Variants in OTOG observed in about 807,000 individuals in gnomAD.
OTOG encodes the protein otogelin.
Under a neutral mutation model 313.8 loss-of-function variants are expected in OTOG, and 296 were observed. That is an observed-to-expected ratio of 0.94 (90% confidence interval 0.86 to 1.04). The LOEUF is 1.04. Among genes scored for constraint, OTOG ranks in the 50% least tolerant of loss-of-function variants. The pLI, the probability that OTOG is intolerant of heterozygous loss-of-function variation, is 0.00. For synonymous variants in OTOG, 1,533 were observed against 1,554.9 expected (o/e 0.99, Z 0.33); for missense variants, 3,948 against 3,840.1 (o/e 1.03, Z -0.74).
chr11:17,612,213 A>T lies in OTOG; in HGVS notation c.6175A>T (p.Ile2059Phe). The T allele has an allele frequency of 3.2e-6, 5 of 1,549,562 alleles. No individual in the cohort carries two copies. The South Asian group carries it at 5.9e-5, about 18-fold the overall frequency. The change falls in exon 37 of 56, where the codon ATT (isoleucine) becomes TTT (phenylalanine). Residue 2059 changes from isoleucine to phenylalanine, a missense_variant. Physicochemically the swap from Ile to Phe is conservative, Grantham distance 21. Coordinates refer to ENST00000399397, the MANE Select transcript of OTOG (RefSeq NM_001292063.2). ...CCACATCTGCCTGGAGGGCCAGCTG[A>T]TTCGCGTGAATCAGTCCCAGCACTG... ...VRHICLEGQL[I>F]RVNQSQHCPQ...
Position 17,547,996 on chromosome 11 carries a change from G to T in OTOG, c.155+9G>T. The T allele has an allele frequency of 1.3e-6, 1 of 742,830 alleles. No individual in the cohort carries two copies. The highest frequency in any genetic ancestry group is 2.9e-5 in the East Asian group (1 of 34,472). The allele number at this position is 742,830 out of a possible 1,614,324, so 46.0% of individuals were successfully genotyped here. On this transcript the variant is annotated intron_variant, in intron 2 of 55. Coordinates refer to ENST00000399397, the MANE Select transcript of OTOG (RefSeq NM_001292063.2). The stretch of plus-strand genomic sequence containing the variant: ...CCAGCCGGGCAACCCAGGTGAGTAG[G>T]TGTGAGCTGTGGCGGCCCCACCCAC...
In OTOG at chr11:17,611,155, C is replaced by G; in HGVS notation, c.5855C>G (p.Ala1952Gly). The G allele has an allele frequency of 1.3e-6, 2 of 1,550,566 alleles. No individual in the cohort carries two copies. Among genetic ancestry groups the G allele is most frequent in the Non-Finnish European group, 1.7e-6 (2 of 1,147,004 alleles). ...CCCTTGGTGGCTGAGCCCGAGGGAG[C>G]CCAGGCAGGCACAGCTCTGCCAGTG... is the stretch of plus-strand genomic sequence containing the variant. ...LTPLVAEPEG[A>G]QAGTALPVPT... Residue 1952 changes from alanine (A) to glycine (G), a missense_variant, in exon 36 of 56, where the codon GCC becomes GGC. Ala to Gly is a moderately conservative substitution (Grantham distance 60). Transcript: ENST00000399397.
rs1052968891 is a variant in OTOG, at chr11:17,596,048, C to A, written c.3419C>A (p.Thr1140Asn). ...SSWAAVECPDTLDPRDMCVLN... is the reference protein window; with the variant it reads ...SSWAAVECPDNLDPRDMCVLN... The stretch of plus-strand genomic sequence containing the variant: ...GCCTTTGCCCCTCAGTGCCCAGACA[C>A]CCTCGATCCTCGGGATATGTGTGTC... Residue 1140 changes from threonine (T) to asparagine (N), a missense_variant, in exon 29 of 56, where the codon ACC becomes AAC. By Grantham distance (65) the Thr-to-Asn change is moderately conservative. Coordinates refer to ENST00000399397, the MANE Select transcript of OTOG (RefSeq NM_001292063.2). 1.0e-5 allele frequency: 16 copies of A among 1,550,642 alleles called. No individual in the cohort carries two copies. The African/African-American group carries it at 2.1e-4, about 20-fold the overall frequency.
intron 23 of OTOG, among the ~76,000 whole-genome samples, chr11:17,580,350 G>A (rs553165569): frequency 6.6e-6 from 1 of 152,312 alleles, no homozygotes; most frequent in East Asian, 1.9e-4. Flanking sequence ...TTGTAAAATG[G>A]CACAGAGTAA....
chr11:17,599,545 G>A, intron 30 of OTOG, 126 bp from the exon 31 acceptor site: 1 of 983,432 alleles, frequency 1.0e-6, no homozygotes. Flanking sequence ...ATCTTGACAT[G>A]TGGGAGGCAG....
rs751320465 is a variant in OTOG, at chr11:17,645,853, G to A, written c.8651G>A (p.Arg2884Gln). 100 of 1,550,720 alleles carry A rather than the reference G, an allele frequency of 6.4e-5. No individual in the cohort carries two copies. In the Admixed American group the frequency reaches 1.4e-3, roughly 22 times the overall value. Residue 2884 changes from arginine to glutamine, a missense_variant, in exon 56 of 56, where the codon CGG becomes CAG. Coordinates refer to ENST00000399397, the MANE Select transcript of OTOG (RefSeq NM_001292063.2). ...CKCCREVGLQRRSVQLFCATN... is the reference protein window; with the variant it reads ...CKCCREVGLQQRSVQLFCATN... ...TGCTGCCGTGAGGTGGGCCTGCAGC[G>A]GCGCTCTGTGCAGCTCTTCTGTGCC...
At position 17,591,588 on chromosome 11, in the gene OTOG, G is replaced by A; in HGVS notation, c.3006G>A (p.Lys1002=). 1 of 1,550,576 alleles carries A rather than the reference G, an allele frequency of 6.4e-7. No individual in the cohort carries two copies. Residue 1002 remains lysine (K), a splice_region_variant and synonymous_variant, in exon 25 of 56, where the codon AAG becomes AAA. Coordinates refer to ENST00000399397, the MANE Select transcript of OTOG (RefSeq NM_001292063.2). ...FVGACKVHLV[K]STSDVSFSVI... ...GGGCATGCAAAGTGCACCTGGTCAA[G>A]GTGAGTTCCCGGATGTTTCTGCCCA...
At chr11:17,596,712 C>T (rs1374362682) in intron 29 of OTOG, 139 bp from the exon 30 acceptor site, 7 of 710,556 alleles carry the variant, frequency 9.9e-6, no homozygotes, top group Non-Finnish European at 1.6e-5. Flanking sequence ...TTGTCCTTCT[C>T]CCTTCACACC....
At position 17,632,021 on chromosome 11, in the gene OTOG, G is replaced by A. The variant is rs377287647; in HGVS notation, c.6934-67G>A. ...GCTCATTGTTCCTTTTGGGCAGGGA[G>A]GGGAGGAGCTGGGCACTGGGATATG... On this transcript the variant is annotated intron_variant, in intron 41 of 55. Transcript: ENST00000399397. 99 of 1,541,304 alleles carry A rather than the reference G, an allele frequency of 6.4e-5. No homozygotes were observed. The African/African-American group carries it at 1.2e-3, about 19-fold the overall frequency.
chr11:17,587,116 G>A (rs947988938), intron 24 of OTOG, among the ~76,000 whole-genome samples: 9 of 152,226 alleles, frequency 5.9e-5, no homozygotes, highest in Non-Finnish European at 2.9e-5. Flanking sequence ...GTATTCACAT[G>A]TGAGTGTAAA....
chr11:17,642,233 C>G lies in OTOG; in HGVS notation c.8402C>G (p.Thr2801Ser). The G allele has an allele frequency of 6.5e-7, 1 of 1,549,578 alleles. No individual in the cohort carries two copies. Among genetic ancestry groups the G allele is most frequent in the East Asian group, 2.4e-5 (1 of 40,892 alleles). Residue 2801 changes from threonine (T) to serine (S), a missense_variant, in exon 53 of 56, where the codon ACT (threonine) becomes AGT (serine). Thr to Ser is a moderately conservative substitution (Grantham distance 58, BLOSUM62 1). Transcript: ENST00000399397. ...SPISCPPLNE[T>S]ECAKVGGSVV... ...ATAAGCTGCCCACCGCTCAATGAGA[C>G]TGAGTGTGCCAAGGTCAGTGCCTCC...
intron 32 of OTOG, among the ~76,000 whole-genome samples, chr11:17,605,084 G>C (rs966012372): frequency 2.4e-4 from 37 of 152,216 alleles, no homozygotes; most frequent in African/African-American, 8.4e-4. Context: ...GCATGAATGC[G>C]CTTGCCCACA....
chr11:17,639,681 G>A (rs1266230111), intron 49 of OTOG, among the ~76,000 whole-genome samples: 1 of 152,202 alleles, frequency 6.6e-6, no homozygotes, highest in Non-Finnish European at 1.5e-5. Context: ...TAAGGATTAA[G>A]TACAATGAAG....
chr11:17,558,501 C>A (rs1166084889), intron 9 of OTOG, 37 bp from the exon 10 acceptor site: 1 of 1,547,478 alleles, frequency 6.5e-7, no homozygotes, highest in Admixed American at 2.0e-5. Context: ...TGTGGCTTTG[C>A]CAGCCCCTAG....
intron 33 of OTOG, among the ~76,000 whole-genome samples, chr11:17,607,017 C>A (rs1219106787): frequency 6.6e-6 from 1 of 152,260 alleles, no homozygotes; most frequent in African/African-American, 2.4e-5. Context: ...TGAAGCTGGA[C>A]AGCCTTGAGT....
chr11:17,575,998 C>G (rs955289187), intron 20 of OTOG, among the ~76,000 whole-genome samples: 18 of 152,148 alleles, frequency 1.2e-4, no homozygotes. Flanking sequence ...ATGACCTGCA[C>G]AAAAGAAGAA....
rs182455004 is a variant in OTOG, at chr11:17,553,327, T to A, written c.386-38T>A. The A allele has an allele frequency of 4.2e-4, 632 of 1,489,366 alleles. 2 individuals are homozygous for A. The African/African-American group carries it at 8.0e-3, about 19-fold the overall frequency. 92.3% of individuals were successfully genotyped at this position (1,489,366 alleles called of 1,614,324 possible). A position where few individuals can be genotyped will look rare whatever the true frequency, so the allele number is the denominator to read the frequency against. On this transcript the variant is annotated intron_variant, in intron 5 of 55. Transcript: ENST00000399397. Reference sequence around the variant, plus strand: ...CACCAGCCTCTGGCTTGGTGCCCACTGTAGCTACACAGAGAGGTTCTCTTT... The same window carrying A: ...CACCAGCCTCTGGCTTGGTGCCCACAGTAGCTACACAGAGAGGTTCTCTTT...
chr11:17,609,348 C>T (rs1349502637), intron 35 of OTOG, 139 bp downstream of exon 35: 1 of 770,780 alleles, frequency 1.3e-6, no homozygotes, highest in African/African-American at 1.7e-5. Context: ...GGCACAGGCA[C>T]AGGGGATGCA....
Position 17,627,642 on chromosome 11 carries a change from T to C in OTOG, c.6529-1491T>C, listed in dbSNP as rs184203057. Among the ~76,000 whole-genome samples, 23 of 152,196 alleles carry C rather than the reference T, an allele frequency of 1.5e-4. No individual in the cohort carries two copies. In the East Asian group the frequency reaches 4.0e-3, roughly 27 times the overall value. On this transcript the variant is annotated intron_variant, in intron 39 of 55. Transcript: ENST00000399397. ...GAAGTATTCCCTCCTTCTCTAATAGTGTGAGTAGGATTGGTATTAACTCTT... is the reference window on the plus strand; with the variant it reads ...GAAGTATTCCCTCCTTCTCTAATAGCGTGAGTAGGATTGGTATTAACTCTT...
Sources: allele counts gnomAD v4.1 joint callset (sites outside exome capture counted in the v4.1 genomes callset), GRCh38; gene constraint gnomAD v4.1.1; transcripts MANE v1.5; gene names NCBI Gene and HGNC (gene_info 2026-07-23, HGNC 2026-07-21).